The following TMEM132E variants were observed in gnomAD, a reference collection of about 807,000 sequenced individuals.
TMEM132E encodes transmembrane protein 132E.
Under a neutral mutation model 78.5 loss-of-function variants are expected in TMEM132E, and 49 were observed. That is an observed-to-expected ratio of 0.62 (90% CI 0.50 to 0.79). The LOEUF is 0.79. Among genes scored for constraint, TMEM132E ranks in the 30% least tolerant of loss-of-function variants. TMEM132E has a pLI of 0.00. For missense variants in TMEM132E, 1,403 were observed against 1,470.9 expected (o/e 0.95, Z 0.75); for synonymous variants, 715 against 670.6 (o/e 1.07, Z -1.02).
Position 34,636,122 on chromosome 17 carries a change from T to C in TMEM132E, c.2093T>C (p.Leu698Pro). Residue 698 changes from leucine to proline, a missense_variant, in exon 8 of 9, where the codon CTG becomes CCG. Leu to Pro is a moderately conservative substitution (Grantham distance 98). Coordinates refer to ENST00000631683, the MANE Select transcript of TMEM132E (RefSeq NM_001304438.2). ...AQVVASLALS[L>P]RPSPGSSHTI... Reference sequence around the variant, plus strand: ...GTGGTGGCCAGCCTGGCCCTCTCCCTGCGGCCCAGCCCTGGGAGCAGCCAC... The same window carrying C: ...GTGGTGGCCAGCCTGGCCCTCTCCCCGCGGCCCAGCCCTGGGAGCAGCCAC... 6.3e-7 allele frequency: 1 copy of C among 1,593,514 alleles called. No individual in the cohort carries two copies. Among genetic ancestry groups the C allele is most frequent in the East Asian group, 2.4e-5 (1 of 42,378 alleles).
At chr17:34,628,284 A>C (rs1409970867) in intron 2 of TMEM132E, among the ~76,000 whole-genome samples, 2 of 152,204 alleles carry the variant, frequency 1.3e-5, no homozygotes, top group East Asian at 3.8e-4. Context: ...AGAAGTAGTG[A>C]GTCCCCTGTC....
chr17:34,615,664 A>T (rs1450734270), intron 1 of TMEM132E, among the ~76,000 whole-genome samples: 1 of 151,768 alleles, frequency 6.6e-6, no homozygotes, highest in East Asian at 1.9e-4. Flanking sequence ...GGTGCCAGGG[A>T]TTAAAAAAAA....
intron 1 of TMEM132E, among the ~76,000 whole-genome samples, chr17:34,585,187 T>C (rs755465859): frequency 3.3e-5 from 5 of 152,200 alleles, no homozygotes; most frequent in Admixed American, 2.0e-4. Context: ...TGTTATAAAC[T>C]TGGTGGCAGG....
At chr17:34,608,545 A>T (rs1360704985) in intron 1 of TMEM132E, among the ~76,000 whole-genome samples, 1 of 152,236 alleles carries the variant, frequency 6.6e-6, no homozygotes, top group African/African-American at 2.4e-5. Context: ...TGGAATTAGC[A>T]CTTAGCATAT....
At chr17:34,606,150 G>A (rs1296814905) in intron 1 of TMEM132E, among the ~76,000 whole-genome samples, 1 of 152,122 alleles carries the variant, frequency 6.6e-6, no homozygotes, top group Non-Finnish European at 1.5e-5. Flanking sequence ...TTCGAGACCA[G>A]CCTGACCAAC....
intron 1 of TMEM132E, among the ~76,000 whole-genome samples, chr17:34,600,754 G>A (rs1208099707): frequency 2.0e-5 from 3 of 152,180 alleles, no homozygotes; most frequent in Admixed American, 6.5e-5. Context: ...AGTACCCAGA[G>A]CAGCAGGGCA....
At position 34,586,080 on chromosome 17, in the gene TMEM132E, C is replaced by T. The variant is rs146086560; in HGVS notation, c.67+4937C>T. Among the ~76,000 whole-genome samples, 27 of 152,126 alleles carry T rather than the reference C, an allele frequency of 1.8e-4. 1 individual carries two copies. In the East Asian group the frequency reaches 5.1e-3, roughly 28 times the overall value. On this transcript the variant is annotated intron_variant, in intron 1 of 8. Transcript: ENST00000631683. Reference sequence around the variant, plus strand: ...ACTCTTTTGTTCTATGATGAAGAAGCCCCTTCTTACCTCCCTCATCTTTCT... The same window carrying T: ...ACTCTTTTGTTCTATGATGAAGAAGTCCCTTCTTACCTCCCTCATCTTTCT...
At chr17:34,620,181 C>A (rs1460906253) in intron 1 of TMEM132E, among the ~76,000 whole-genome samples, 21 of 152,154 alleles carry the variant, frequency 1.4e-4, no homozygotes, top group Admixed American at 1.4e-3. Context: ...GCCTCTGCAC[C>A]TGGGGAGAAG....
At position 34,626,366 on chromosome 17, in the gene TMEM132E, G is replaced by A. The variant is rs1383525079; in HGVS notation, c.307G>A (p.Val103Met). 1.9e-6 allele frequency: 3 copies of A among 1,613,356 alleles called. No individual in the cohort carries two copies. The highest frequency in any genetic ancestry group is 2.2e-5 in the East Asian group (1 of 44,854). ...SLGPFSTSQVVARELLQPSST... is the reference protein window; with the variant it reads ...SLGPFSTSQVMARELLQPSST... Reference sequence around the variant, plus strand: ...GGGGCCCTTCAGCACCAGCCAGGTGGTGGCGCGGGAGCTCCTGCAGCCGTC... The same window carrying A: ...GGGGCCCTTCAGCACCAGCCAGGTGATGGCGCGGGAGCTCCTGCAGCCGTC... Residue 103 changes from valine to methionine, a missense_variant, in exon 2 of 9, where the codon GTG (valine) becomes ATG (methionine). Transcript: ENST00000631683.
intron 1 of TMEM132E, among the ~76,000 whole-genome samples, chr17:34,590,544 T>G (rs2142051800): frequency 6.6e-6 from 1 of 152,276 alleles, no homozygotes; most frequent in East Asian, 1.9e-4. Flanking sequence ...AGTTCAAGAA[T>G]TCTGCTTCTG....
In TMEM132E at chr17:34,632,899, C is replaced by T. The variant is rs201374665; in HGVS notation, c.1678C>T (p.Pro560Ser). ...QVKGWRVPIL[P>S]DRRSVRESED... ...GAAGGGCTGGAGGGTACCTATCCTC[C>T]CCGACCGGAGGTACAGCCCCTCTCC... The change falls in exon 6 of 9, where the codon CCC becomes TCC. Residue 560 changes from proline to serine, a missense_variant. Transcript: ENST00000631683. The T allele has an allele frequency of 1.5e-5, 25 of 1,614,158 alleles. No individual in the cohort carries two copies. In the African/African-American group the frequency reaches 2.4e-4, roughly 15 times the overall value.
intron 1 of TMEM132E, among the ~76,000 whole-genome samples, chr17:34,595,533 T>C (rs1212765177): frequency 1.3e-5 from 2 of 152,208 alleles, no homozygotes; most frequent in African/African-American, 4.8e-5. Context: ...CTCTGGACTG[T>C]GGCACAGAGG....
In TMEM132E at chr17:34,638,240, A is replaced by C. The variant is rs1200610446; in HGVS notation, c.*8A>C. 2.0e-6 allele frequency: 3 copies of C among 1,524,246 alleles called. No individual in the cohort carries two copies. In the Admixed American group the frequency reaches 6.0e-5, roughly 31 times the overall value. The allele number at this position is 1,524,246 out of a possible 1,614,324, so 94.4% of individuals were successfully genotyped here. On this transcript the variant is annotated 3_prime_UTR_variant, in exon 9 of 9. Transcript: ENST00000631683. ...ATCAAAGAGATTGCATAGAGGCGCC[A>C]GCCGGAGTAGCAGGGACCCCCCCCC...
Position 34,626,409 on chromosome 17 carries a change from C to T in TMEM132E, c.350C>T (p.Pro117Leu). Residue 117 changes from proline (P) to leucine (L), a missense_variant, in exon 2 of 9, where the codon CCC becomes CTC. Physicochemically the swap from Pro to Leu is moderately conservative, Grantham distance 98 (BLOSUM62 -3). Coordinates refer to ENST00000631683, the MANE Select transcript of TMEM132E (RefSeq NM_001304438.2). Reference protein sequence around the residue: ...LLQPSSTLDIPERLTVNWKVR... With the variant: ...LLQPSSTLDILERLTVNWKVR... ...CAGCCGTCCAGCACCCTGGACATCC[C>T]CGAGCGCCTGACGGTGAACTGGAAG... 1.9e-6 allele frequency: 3 copies of T among 1,613,360 alleles called. No homozygotes were observed. Among genetic ancestry groups the T allele is most frequent in the Non-Finnish European group, 2.5e-6 (3 of 1,179,814 alleles).
chr17:34,612,866 G>C (rs184575642), intron 1 of TMEM132E, among the ~76,000 whole-genome samples: 19 of 152,156 alleles, frequency 1.2e-4, no homozygotes, highest in Middle Eastern at 6.8e-3. Context: ...TCCGTCACTG[G>C]GGGGGGCAGT....
At chr17:34,618,470 G>A (rs757003122) in intron 1 of TMEM132E, among the ~76,000 whole-genome samples, 12 of 151,150 alleles carry the variant, frequency 7.9e-5, no homozygotes, top group Non-Finnish European at 7.4e-5. Flanking sequence ...GGTCTCAAGC[G>A]ATCCTCCCTC....
At chr17:34,587,934 G>A (rs909959650) in intron 1 of TMEM132E, among the ~76,000 whole-genome samples, 3 of 152,098 alleles carry the variant, frequency 2.0e-5, no homozygotes, top group African/African-American at 7.2e-5. Flanking sequence ...CCCTGCCTTC[G>A]GAGGTCTTCT....
intron 1 of TMEM132E, among the ~76,000 whole-genome samples, chr17:34,620,022 G>C (rs901534346): frequency 6.6e-6 from 1 of 152,240 alleles, no homozygotes; most frequent in Non-Finnish European, 1.5e-5. Context: ...CAAGAGATTA[G>C]TTTTAATTTG....
At chr17:34,629,922 G>GT (rs375949886) in intron 4 of TMEM132E, 86 bp from the exon 5 acceptor site, 3 of 1,421,668 alleles carry the variant, frequency 2.1e-6, no homozygotes, top group Non-Finnish European at 2.8e-6. Context: ...AGTGGGGGGG[G>GT]AGCGTCCAGG....
Sources: gnomAD v4.1 joint callset for allele counts (sites outside exome capture counted in the v4.1 genomes callset) on GRCh38, gnomAD v4.1.1 for gene constraint, MANE v1.5 for transcripts, NCBI Gene and HGNC (gene_info 2026-07-23, HGNC 2026-07-21) for gene names.